Variants in SLC25A23 observed in about 807,000 individuals in gnomAD.
The protein encoded by SLC25A23 is solute carrier family 25 member 23.
A neutral mutation model predicts 53.9 loss-of-function variants in SLC25A23; 32 were observed. That is an observed-to-expected ratio of 0.59 (90% CI 0.45 to 0.80). SLC25A23 has a LOEUF of 0.80. Ranked by LOEUF, SLC25A23 falls within the 30% of genes least tolerant of loss-of-function variation. The pLI, the probability that SLC25A23 is intolerant of heterozygous loss-of-function variation, is 0.00. For missense variants in SLC25A23, 575 were observed against 651.4 expected, an observed-to-expected ratio of 0.88 and a Z score of 1.28; for synonymous variants, 275 against 264.5, an observed-to-expected ratio of 1.04 and a Z score of -0.38.
At chr19:6,437,038 G>A (rs752934665), downstream of SLC25A23, among the ~76,000 whole-genome samples, 1 of 151,518 alleles carries the variant, frequency 6.6e-6, no homozygotes, top group Admixed American at 6.6e-5. Context: ...TAGTAGAGAC[G>A]GGGTTTCACC....
Position 6,441,832 on chromosome 19 carries a change from T to A in SLC25A23, c.*143A>T, listed in dbSNP as rs561212810. On this transcript the variant is annotated 3_prime_UTR_variant, in exon 10 of 10. Coordinates refer to ENST00000301454, the MANE Select transcript of SLC25A23 (RefSeq NM_024103.3). ...TGGATGCTGGGATCCCATGACCCAA[T>A]GGTTGGGGCATAGGAGTCTAGGATC... 1.5e-6 allele frequency: 1 copy of A among 678,352 alleles called. No homozygotes were observed. The highest frequency in any genetic ancestry group is 2.3e-5 in the African/African-American group (1 of 42,996). The allele number at this position is 678,352 out of a possible 1,614,324, so 42.0% of individuals were successfully genotyped here.
At position 6,459,239 on chromosome 19, in the gene SLC25A23, C is replaced by T. The variant is rs913167117; in HGVS notation, c.156+234G>A. Among the ~76,000 whole-genome samples the T allele has an allele frequency of 2.0e-5, 3 of 152,150 alleles. No individual in the cohort carries two copies. Among genetic ancestry groups the T allele is most frequent in the African/African-American group, 7.2e-5 (3 of 41,442 alleles). ...TCCCAGGCAGACGCCCCCTGCCCCG[C>T]AGCAGGGGGATCGGGTGTTGGCCGC... On this transcript the variant is annotated intron_variant, in intron 1 of 9. Coordinates refer to ENST00000301454, the MANE Select transcript of SLC25A23 (RefSeq NM_024103.3). This position sits in a 1 kb window ranked among gnomAD's most constrained non-coding sequence, Gnocchi z 4.6.
intron 3 of SLC25A23, 57 bp from the exon 4 acceptor site, chr19:6,456,588 G>A (rs1461689571): frequency 7.1e-7 from 1 of 1,417,154 alleles, no homozygotes. Flanking sequence ...GGTGGGCTAG[G>A]CTGGGGTGAA....
chr19:6,442,211 TC>T, intron 9 of SLC25A23, 52 bp from the exon 10 acceptor site: 1 of 1,309,942 alleles, frequency 7.6e-7, no homozygotes. Flanking sequence ...CCCTTTCACT[TC>T]CCCCTCCTAC....
In SLC25A23 at chr19:6,451,337, C is replaced by T. The variant is rs111414852; in HGVS notation, c.1071+975G>A. On this transcript the variant is annotated intron_variant, in intron 8 of 9. Coordinates refer to ENST00000301454, the MANE Select transcript of SLC25A23 (RefSeq NM_024103.3). The stretch of plus-strand genomic sequence containing the variant: ...CCAGGAGATGTAGGTTGCAGTGAGC[C>T]GAGATCGCGCCATTGCACTCCAGCC... Among the ~76,000 whole-genome samples the T allele has an allele frequency of 7.8e-3, 1,191 of 152,110 alleles. 14 individuals are homozygous for T. The highest frequency in any genetic ancestry group is 0.027 in the African/African-American group (1,136 of 41,470).
rs985445995 is a variant in SLC25A23, at chr19:6,459,183, G to A, written c.156+290C>T. 5.3e-5 allele frequency among the ~76,000 whole-genome samples: 8 copies of A among 152,144 alleles called. No homozygotes were observed. Among genetic ancestry groups the A allele is most frequent in the Non-Finnish European group, 1.0e-4 (7 of 68,012 alleles). On this transcript the variant is annotated intron_variant, in intron 1 of 9. Transcript: ENST00000301454. The surrounding 1 kb of genome is among the most constrained non-coding windows in gnomAD (Gnocchi z 4.6). ...TGCAGTCTGGAGGAGGGTGTGTCCC[G>A]GGCAGTGGGCAGGAAAGCGCCCCCA...
downstream of SLC25A23, chr19:6,438,499 C>T (rs113577546): frequency 7.6e-3 from 1,165 of 152,908 alleles, 12 homozygotes; most frequent in African/African-American, 0.027. Context: ...CTTGACCCCA[C>T]GAGTTCGAGA....
chr19:6,446,579 C>T (rs917856654), intron 8 of SLC25A23, among the ~76,000 whole-genome samples: 1 of 152,226 alleles, frequency 6.6e-6, no homozygotes, highest in South Asian at 2.1e-4. Context: ...AAATTAGCAT[C>T]TCCAGATGCA....
chr19:6,458,371 G>A (rs759570826), intron 1 of SLC25A23, 47 bp from the exon 2 acceptor site: 2 of 1,594,680 alleles, frequency 1.3e-6, no homozygotes, highest in East Asian at 4.5e-5. Flanking sequence ...ACCTGCTCCT[G>A]ATCTGGAGGG....
intron 8 of SLC25A23, among the ~76,000 whole-genome samples, chr19:6,445,652 T>C (rs2092492188): frequency 6.6e-6 from 1 of 152,156 alleles, no homozygotes; most frequent in Admixed American, 6.6e-5. Context: ...CCATTTTGGA[T>C]TTCTGACCTC....
chr19:6,436,509 G>A, downstream of SLC25A23: 2 of 455,214 alleles, frequency 4.4e-6, no homozygotes, highest in Non-Finnish European at 8.8e-6. Context: ...GAGAGAGAGA[G>A]AGAGCATGTA....
chr19:6,445,029 C>T (rs2092482053), intron 8 of SLC25A23, among the ~76,000 whole-genome samples: 2 of 152,052 alleles, frequency 1.3e-5, no homozygotes, highest in Admixed American at 1.3e-4. Flanking sequence ...TCTCGAACTC[C>T]TGGGCTCAAG....
downstream of SLC25A23, among the ~76,000 whole-genome samples, chr19:6,439,414 C>CAT (rs1445209495): frequency 6.6e-6 from 1 of 151,370 alleles, no homozygotes; most frequent in Non-Finnish European, 1.5e-5. Flanking sequence ...CACACACACA[C>CAT]ACACACACAC....
intron 7 of SLC25A23, 191 bp from the exon 8 acceptor site, chr19:6,452,670 T>A: frequency 1.7e-6 from 1 of 591,784 alleles, no homozygotes; most frequent in East Asian, 3.2e-5. Flanking sequence ...CCTACCAAAG[T>A]GCACACATGT....
intron 8 of SLC25A23, among the ~76,000 whole-genome samples, chr19:6,451,159 C>T (rs1261351654): frequency 6.7e-6 from 1 of 149,104 alleles, no homozygotes. Flanking sequence ...GAGGCCAAGG[C>T]GGGTGGATCA....
chr19:6,455,490 C>T (rs1482691232), intron 4 of SLC25A23, among the ~76,000 whole-genome samples: 2 of 152,076 alleles, frequency 1.3e-5, no homozygotes, highest in African/African-American at 4.8e-5. Context: ...CATTTCCAGT[C>T]TAGAATTTCT....
At chr19:6,458,388 TG>T in intron 1 of SLC25A23, 64 bp from the exon 2 acceptor site, 1 of 1,556,422 alleles carries the variant, frequency 6.4e-7, no homozygotes, top group Non-Finnish European at 8.7e-7. Flanking sequence ...AGGGGACGCA[TG>T]TCACCTTATG....
At chr19:6,455,332 G>C (rs1437338185) in intron 4 of SLC25A23, among the ~76,000 whole-genome samples, 2 of 152,056 alleles carry the variant, frequency 1.3e-5, no homozygotes, top group Non-Finnish European at 2.9e-5. Flanking sequence ...CCACTCAAGG[G>C]TTTTCCATAT....
downstream of SLC25A23, chr19:6,436,562 T>TC (rs1449611778): frequency 5.1e-5 from 21 of 411,532 alleles, no homozygotes; most frequent in South Asian, 2.1e-4. Flanking sequence ...TTTTTTTTTT[T>TC]CTTTGAGACA....
Sources: allele counts gnomAD v4.1 joint callset (sites outside exome capture counted in the v4.1 genomes callset), GRCh38; gene constraint gnomAD v4.1.1; non-coding constraint Gnocchi (gnomAD v3.1); transcripts MANE v1.5; gene names NCBI Gene and HGNC (gene_info 2026-07-23, HGNC 2026-07-21).